The following TRIM50 variants were observed in gnomAD, a reference collection of about 807,000 sequenced individuals.
TRIM50 encodes tripartite motif containing 50, also known as E3 ubiquitin-protein ligase TRIM50.
In TRIM50, 34 loss-of-function variants were observed where a neutral mutation model predicts 44.9. That is an observed-to-expected ratio of 0.76 (90% CI 0.58 to 1.01). The LOEUF (loss-of-function observed/expected upper bound fraction) is 1.01, where lower values mean the gene tolerates loss of function less well. Among genes scored for constraint, TRIM50 ranks in the 50% least tolerant of loss-of-function variants. TRIM50 has a pLI of 0.00. For missense variants in TRIM50, 633 were observed against 663.7 expected (o/e 0.95, Z 0.51); for synonymous variants, 307 against 291.1 (o/e 1.05, Z -0.56).
chr7:73,325,156 G>A (rs1288918015), intron 1 of TRIM50, among the ~76,000 whole-genome samples: 5 of 151,894 alleles, frequency 3.3e-5, no homozygotes, highest in African/African-American at 7.3e-5. Context: ...GCATGCATCC[G>A]GACCTAGAAC....
In TRIM50 at chr7:73,313,349, A is replaced by G; in HGVS notation, c.1036T>C (p.Cys346Arg). ...TCVLASRGFS[C>R]GRHYWEVVVG... ...ACCACCTCCCAGTAGTGGCGGCCGC[A>G]GGAGAAGCCGCGGCTGGCCAGGACG... Residue 346 changes from cysteine (C) to arginine (R), a missense_variant, in exon 7 of 7, where the codon TGC (cysteine) becomes CGC (arginine). Physicochemically the swap from Cys to Arg is radical, Grantham distance 180 (BLOSUM62 -3). Transcript: ENST00000333149. The surrounding 1 kb of genome is among the most constrained non-coding windows in gnomAD (Gnocchi z 4.9). 3 of 1,602,462 alleles carry G rather than the reference A, an allele frequency of 1.9e-6. No homozygotes were observed. Among genetic ancestry groups the G allele is most frequent in the Non-Finnish European group, 2.6e-6 (3 of 1,175,592 alleles).
chr7:73,315,785 CAAG>C (rs1419075432), intron 6 of TRIM50, among the ~76,000 whole-genome samples: 8 of 152,034 alleles, frequency 5.3e-5, no homozygotes, highest in Non-Finnish European at 7.4e-5. Flanking sequence ...TGACAGAGAA[CAAG>C]AATAGGTTGG....
At chr7:73,314,162 T>C in intron 6 of TRIM50, 1 of 340,684 alleles carries the variant, frequency 2.9e-6, no homozygotes, top group South Asian at 2.7e-5. Flanking sequence ...CCTGCTGGCG[T>C]GAAGAAGCAG....
At chr7:73,321,414 C>T (rs57889282) in intron 2 of TRIM50, among the ~76,000 whole-genome samples, 10 of 152,254 alleles carry the variant, frequency 6.6e-5, no homozygotes, top group South Asian at 2.1e-4. Context: ...AAAAGGCCGG[C>T]GCCAGGTGAG....
chr7:73,323,467 G>A (rs79866895), intron 2 of TRIM50, among the ~76,000 whole-genome samples: 23 of 152,224 alleles, frequency 1.5e-4, no homozygotes, highest in African/African-American at 5.3e-4. Flanking sequence ...CACCCACCTC[G>A]GCCTCCCAAA....
At chr7:73,324,943 T>C (rs1371657254) in intron 1 of TRIM50, 138 bp from the exon 2 acceptor site, 6 of 1,431,182 alleles carry the variant, frequency 4.2e-6, no homozygotes, top group Non-Finnish European at 4.7e-6. Context: ...CTAACCCACA[T>C]GACCTTGGGC....
chr7:73,327,178 C>G (rs1488823881), intron 1 of TRIM50, among the ~76,000 whole-genome samples: 2 of 152,126 alleles, frequency 1.3e-5, no homozygotes, highest in Admixed American at 6.6e-5. Flanking sequence ...AAACTTAACC[C>G]CCAATGGGGC....
At position 73,324,613 on chromosome 7, in the gene TRIM50, C is replaced by T; in HGVS notation, c.175G>A (p.Ala59Thr). The change falls in exon 2 of 7, where the codon GCG becomes ACG. Residue 59 changes from alanine (A) to threonine (T), a missense_variant. Coordinates refer to ENST00000333149, the MANE Select transcript of TRIM50 (RefSeq NM_178125.3). ...GGCAGGGAGCTGCTGCCGTCCACCG[C>T]CTGCCGGCACACGGGGCAGCGCAGC... is the stretch of plus-strand genomic sequence containing the variant. ...AELRCPVCRQAVDGSSSLPNV... is the reference protein window; with the variant it reads ...AELRCPVCRQTVDGSSSLPNV... 1.9e-6 allele frequency: 3 copies of T among 1,614,176 alleles called. No homozygotes were observed. Among genetic ancestry groups the T allele is most frequent in the Non-Finnish European group, 2.5e-6 (3 of 1,180,024 alleles).
chr7:73,313,116 G>C lies in TRIM50; in HGVS notation c.1269C>G (p.Gly423=), dbSNP rs369269818. ...GGTCGGCATCGAAGAAGGTGAGTTC[G>C]CCCTGCTCATAGTGCAGGTAGAGCC... ...RIGLYLHYEQ[G]ELTFFDADRP... Residue 423 remains glycine, a synonymous_variant, in exon 7 of 7, where the codon GGC becomes GGG. Transcript: ENST00000333149. This position sits in a 1 kb window ranked among gnomAD's most constrained non-coding sequence, Gnocchi z 4.9. 1 of 1,593,520 alleles carries C rather than the reference G, an allele frequency of 6.3e-7. No individual in the cohort carries two copies. The highest frequency in any genetic ancestry group is 8.5e-7 in the Non-Finnish European group (1 of 1,170,580).
At position 73,319,156 on chromosome 7, in the gene TRIM50, G is replaced by T. The variant is rs568249204; in HGVS notation, c.496-104C>A. On this transcript the variant is annotated intron_variant, in intron 3 of 6. Coordinates refer to ENST00000333149, the MANE Select transcript of TRIM50 (RefSeq NM_178125.3). Reference sequence around the variant, plus strand: ...GGCCTTCCTGACCGGGTTGGTCCTGGGACCTGAGTCTCAGGGGAGGCTGCA... The same window carrying T: ...GGCCTTCCTGACCGGGTTGGTCCTGTGACCTGAGTCTCAGGGGAGGCTGCA... 1.5e-4 allele frequency: 240 copies of T among 1,568,832 alleles called. 2 individuals are homozygous for T. In the South Asian group the frequency reaches 2.7e-3, roughly 18 times the overall value.
rs529056135 is a variant in TRIM50 at position 73,319,667 on chromosome 7, C to A, written c.495+480G>T. ...GAGGCTGAGTGCTCCTGGATCTTGC[C>A]CGGCTCCTGTTTCTGTTTCACAGCC... On this transcript the variant is annotated intron_variant, in intron 3 of 6. Coordinates refer to ENST00000333149, the MANE Select transcript of TRIM50 (RefSeq NM_178125.3). 3.3e-5 allele frequency among the ~76,000 whole-genome samples: 5 copies of A among 152,302 alleles called. No homozygotes were observed. In the East Asian group the frequency reaches 9.7e-4, roughly 29 times the overall value.
Position 73,324,593 on chromosome 7 carries a change from G to A in TRIM50, c.195C>T (p.Ser65=). Residue 65 remains serine, a synonymous_variant, in exon 2 of 7, where the codon TCC becomes TCT. Coordinates refer to ENST00000333149, the MANE Select transcript of TRIM50 (RefSeq NM_178125.3). ...CCCTGGCCAGGGAGACGTTGGGCAG[G>A]GAGCTGCTGCCGTCCACCGCCTGCC... The part of the protein sequence containing the change: ...VCRQAVDGSS[S]LPNVSLARVI... 1 of 1,614,086 alleles carries A rather than the reference G, an allele frequency of 6.2e-7. No individual in the cohort carries two copies. The highest frequency in any genetic ancestry group is 8.5e-7 in the Non-Finnish European group (1 of 1,180,002).
intron 5 of TRIM50, among the ~76,000 whole-genome samples, chr7:73,317,140 A>G (rs1563300181): frequency 6.6e-6 from 1 of 151,374 alleles, no homozygotes; most frequent in Non-Finnish European, 1.5e-5. Flanking sequence ...TGCAGCCTCA[A>G]CCCCCTGGGC....
intron 3 of TRIM50, among the ~76,000 whole-genome samples, chr7:73,319,802 G>A (rs574603056): frequency 6.6e-6 from 1 of 152,184 alleles, no homozygotes; most frequent in East Asian, 1.9e-4. Context: ...CCCAGGTACT[G>A]GGAGGGCACC....
At chr7:73,324,338 G>T in intron 2 of TRIM50, 51 bp downstream of exon 2, 2 of 1,613,396 alleles carry the variant, frequency 1.2e-6, no homozygotes, top group Non-Finnish European at 1.7e-6. Context: ...GAGAGCACAG[G>T]ATCTGGTCCC....
At position 73,312,914 on chromosome 7, in the gene TRIM50, G is replaced by A. The variant is rs1314335006; in HGVS notation, c.*7C>T. 6.6e-6 allele frequency: 10 copies of A among 1,524,730 alleles called. No individual in the cohort carries two copies. In the Admixed American group the frequency reaches 2.1e-4, roughly 32 times the overall value. 94.5% of individuals were successfully genotyped at this position (1,524,730 alleles called of 1,614,324 possible). On this transcript the variant is annotated 3_prime_UTR_variant, in exon 7 of 7. Transcript: ENST00000333149. The stretch of plus-strand genomic sequence containing the variant: ...GGGCCTGTGGGCCGGCAGGACTCCG[G>A]GCGGCCCTACAGCTTGGTGGGCTGC...
chr7:73,319,452 C>T (rs1229347778), intron 3 of TRIM50, among the ~76,000 whole-genome samples: 1 of 152,120 alleles, frequency 6.6e-6, no homozygotes, highest in African/African-American at 2.4e-5. Flanking sequence ...CGCCACCACA[C>T]CCCACTTTGC....
chr7:73,326,244 C>A (rs529078723), intron 1 of TRIM50, among the ~76,000 whole-genome samples: 1 of 151,402 alleles, frequency 6.6e-6, no homozygotes, highest in African/African-American at 2.4e-5. Flanking sequence ...ATGATTCAAT[C>A]TCTCTATTTT....
intron 1 of TRIM50, among the ~76,000 whole-genome samples, chr7:73,326,958 T>C (rs539708819): frequency 3.0e-4 from 45 of 152,204 alleles, no homozygotes; most frequent in African/African-American, 1.1e-3. Flanking sequence ...CCCGGCTAAT[T>C]CTTTGTAATT....
Sources: allele counts gnomAD v4.1 joint callset (sites outside exome capture counted in the v4.1 genomes callset), GRCh38; gene constraint gnomAD v4.1.1; non-coding constraint Gnocchi (gnomAD v3.1); transcripts MANE v1.5; gene names NCBI Gene and HGNC (gene_info 2026-07-23, HGNC 2026-07-21).